The following KLHL23 variants were observed in gnomAD, a reference collection of about 807,000 sequenced individuals.
The protein encoded by KLHL23 is kelch-like protein 23.
Under a neutral mutation model 48.9 loss-of-function variants are expected in KLHL23, and 33 were observed. The observed-to-expected ratio is 0.67, with a 90% CI of 0.51 to 0.90. KLHL23 has a LOEUF of 0.90. Ranked by LOEUF, KLHL23 falls within the 40% of genes least tolerant of loss-of-function variation. The pLI is 0.00. For missense variants in KLHL23, 608 were observed against 669.6 expected (o/e 0.91, Z 1.02); for synonymous variants, 234 against 231.6 (o/e 1.01, Z -0.09).
At chr2:169,747,087 T>C (rs548429146) in intron 3 of KLHL23, among the ~76,000 whole-genome samples, 118 of 152,166 alleles carry the variant, frequency 7.8e-4, no homozygotes, top group Middle Eastern at 3.4e-3. Context: ...TCCTTAGCTG[T>C]CAAAACCTAG....
At position 169,736,258 on chromosome 2, in the gene KLHL23, T is replaced by C. The variant is rs1315286451; in HGVS notation, c.1213+31T>C. 4.5e-6 allele frequency: 7 copies of C among 1,560,168 alleles called. No homozygotes were observed. In the Admixed American group the frequency reaches 9.6e-5, roughly 21 times the overall value. On this transcript the variant is annotated intron_variant, in intron 2 of 3. Transcript: ENST00000392647. ...TGGAGATTATGTTTATTTTGTATTT[T>C]TTAGATGTCTGGAGCTAGGCCAGCA...
chr2:169,741,305 C>T (rs1177861401), intron 2 of KLHL23, 80 bp from the exon 3 acceptor site: 3 of 1,515,264 alleles, frequency 2.0e-6, no homozygotes, highest in African/African-American at 2.8e-5. Flanking sequence ...ATAACAAAAA[C>T]AACAATAAAT....
At chr2:169,743,453 T>C (rs1164704157) in intron 3 of KLHL23, among the ~76,000 whole-genome samples, 1 of 152,198 alleles carries the variant, frequency 6.6e-6, no homozygotes, top group East Asian at 1.9e-4. Context: ...TTGATTTACA[T>C]TGAACTTTTT....
intron 2 of KLHL23, among the ~76,000 whole-genome samples, chr2:169,736,447 G>A (rs555344377): frequency 4.4e-4 from 67 of 152,208 alleles, no homozygotes; most frequent in Non-Finnish European, 7.9e-4. Flanking sequence ...GCTAGATGAA[G>A]AGACAAATCT....
At chr2:169,741,294 A>G (rs900811885) in intron 2 of KLHL23, 91 bp from the exon 3 acceptor site, 3 of 1,493,940 alleles carry the variant, frequency 2.0e-6, no homozygotes, top group Non-Finnish European at 2.7e-6. Flanking sequence ...TACCATCAGT[A>G]ATAACAAAAA....
In KLHL23 at chr2:169,735,720, A is replaced by G; in HGVS notation, c.706A>G (p.Lys236Glu). 2 of 1,614,008 alleles carry G rather than the reference A, an allele frequency of 1.2e-6. No homozygotes were observed. The highest frequency in any genetic ancestry group is 1.7e-6 in the Non-Finnish European group (2 of 1,180,020). Reference sequence around the variant, plus strand: ...CATTGATATAGATCCAGTGTACTTAAAAACAGCCTTAGGCCTTCAAAGAAG... The same window carrying G: ...CATTGATATAGATCCAGTGTACTTAGAAACAGCCTTAGGCCTTCAAAGAAG... The part of the protein sequence containing the change: ...INIDIDPVYL[K>E]TALGLQRSCL... The change falls in exon 2 of 4, where the codon AAA (lysine) becomes GAA (glutamate). Residue 236 changes from lysine (K) to glutamate (E), a missense_variant. Physicochemically the swap from Lys to Glu is moderately conservative, Grantham distance 56. Around this residue, in one of 3 missense-constraint regions of KLHL23, gnomAD observed 419 missense variants for 473.1 expected, o/e 0.89. Transcript: ENST00000392647. This position sits in a 1 kb window ranked among gnomAD's most constrained non-coding sequence, Gnocchi z 4.5.
chr2:169,741,897 A>C lies in KLHL23; in HGVS notation c.1366+360A>C, dbSNP rs1012239851. Among the ~76,000 whole-genome samples the C allele has an allele frequency of 3.9e-5, 6 of 152,220 alleles. 1 individual carries two copies. The highest frequency in any genetic ancestry group is 1.4e-4 in the African/African-American group (6 of 41,458). ...TAGTTGAAAAGCACCATTCTATCAAATAGTCAGAAAGGGTACCCAGTGATT... is the reference window on the plus strand; with the variant it reads ...TAGTTGAAAAGCACCATTCTATCAACTAGTCAGAAAGGGTACCCAGTGATT... On this transcript the variant is annotated intron_variant, in intron 3 of 3. Coordinates refer to ENST00000392647, the MANE Select transcript of KLHL23 (RefSeq NM_144711.6).
rs571250072 is a variant in KLHL23 at position 169,749,333 on chromosome 2, T to A, written c.1367-89T>A. On this transcript the variant is annotated intron_variant, in intron 3 of 3. Transcript: ENST00000392647. ...CTCCCTATTTTTTGTGTGCTAAATT[T>A]TAAAGGATTATTACATTACCACACT... is the stretch of plus-strand genomic sequence containing the variant. 18 of 1,354,902 alleles carry A rather than the reference T, an allele frequency of 1.3e-5. No homozygotes were observed. In the South Asian group the frequency reaches 1.6e-4, roughly 12 times the overall value. 83.9% of individuals were successfully genotyped at this position (1,354,902 alleles called of 1,614,324 possible).
Position 169,751,603 on chromosome 2 carries a change from G to A in KLHL23, c.*1871G>A, listed in dbSNP as rs377171977. On this transcript the variant is annotated 3_prime_UTR_variant, in exon 4 of 4. Transcript: ENST00000392647. ...GGGAAAAAAACTCCATGTCAAGAAA[G>A]TGGGATAAGAAAAATAGTGAAGTAT... is the stretch of plus-strand genomic sequence containing the variant. 9.9e-5 allele frequency: 15 copies of A among 152,262 alleles called. No individual in the cohort carries two copies. The East Asian group carries it at 2.3e-3, about 23-fold the overall frequency. The allele number at this position is 152,262 out of a possible 1,614,324, so 9.4% of individuals were successfully genotyped here.
chr2:169,734,389 G>A (rs1194726996), intron 1 of KLHL23, among the ~76,000 whole-genome samples: 1 of 149,416 alleles, frequency 6.7e-6, no homozygotes, highest in African/African-American at 2.4e-5. Flanking sequence ...GGGGCGGGGC[G>A]GTCTCCGGGC....
In KLHL23 at chr2:169,735,435, G is replaced by A; in HGVS notation, c.421G>A (p.Gly141Arg). 1 of 1,613,934 alleles carries A rather than the reference G, an allele frequency of 6.2e-7. No homozygotes were observed. The change falls in exon 2 of 4, where the codon GGA becomes AGA. Residue 141 changes from glycine to arginine, a missense_variant. By Grantham distance (125) the Gly-to-Arg change is moderately radical. Transcript: ENST00000392647. This position sits in a 1 kb window ranked among gnomAD's most constrained non-coding sequence, Gnocchi z 4.5. ...VRHLDIDNCIGMHSFAEFHVC... is the reference protein window; with the variant it reads ...VRHLDIDNCIRMHSFAEFHVC... ...GCACTTGGATATTGATAATTGTATTGGAATGCACTCCTTTGCAGAATTTCA... is the reference window on the plus strand; with the variant it reads ...GCACTTGGATATTGATAATTGTATTAGAATGCACTCCTTTGCAGAATTTCA...
chr2:169,748,839 TG>T (rs1312771710), intron 3 of KLHL23, among the ~76,000 whole-genome samples: 1 of 138,108 alleles, frequency 7.2e-6, no homozygotes, highest in Non-Finnish European at 1.6e-5. Context: ...GCCCTCCGCC[TG>T]GGGGCACCCT....
chr2:169,739,732 A>G (rs1425996388), intron 2 of KLHL23, among the ~76,000 whole-genome samples: 1 of 152,092 alleles, frequency 6.6e-6, no homozygotes, highest in African/African-American at 2.4e-5. Context: ...GCCACTTAAC[A>G]ATGGGGATAT....
intron 3 of KLHL23, among the ~76,000 whole-genome samples, chr2:169,747,193 A>C (rs1182062799): frequency 3.3e-5 from 5 of 151,974 alleles, no homozygotes; most frequent in South Asian, 2.1e-4. Context: ...GCAAAACCCC[A>C]TCTCTATTAA....
In KLHL23 at chr2:169,747,982, G is replaced by A. The variant is rs1688835429; in HGVS notation, c.1367-1440G>A. ...TCTACAAAAATACAAAAATTAGCCA[G>A]TTGTGATGATGTGTACCTATAGTCC... is the stretch of plus-strand genomic sequence containing the variant. On this transcript the variant is annotated intron_variant, in intron 3 of 3. Transcript: ENST00000392647. Among the ~76,000 whole-genome samples the A allele has an allele frequency of 2.6e-5, 4 of 152,124 alleles. No individual in the cohort carries two copies. In the South Asian group the frequency reaches 8.3e-4, roughly 32 times the overall value.
Position 169,734,325 on chromosome 2 carries a change from C to T in KLHL23, c.-3+238C>T, listed in dbSNP as rs916615845. Among the ~76,000 whole-genome samples, 9 of 147,654 alleles carry T rather than the reference C, an allele frequency of 6.1e-5. No homozygotes were observed. In the South Asian group the frequency reaches 1.9e-3, roughly 31 times the overall value. On this transcript the variant is annotated intron_variant, in intron 1 of 3. Transcript: ENST00000392647. ...AGCGCCGGGCAGAGGGACGCGGGCA[C>T]CGGGCCCGCGGGCGGCACGCGGCGC...
Position 169,735,904 on chromosome 2 carries a change from A to C in KLHL23, c.890A>C (p.Asn297Thr). 1 of 1,614,122 alleles carries C rather than the reference A, an allele frequency of 6.2e-7. No individual in the cohort carries two copies. The highest frequency in any genetic ancestry group is 1.1e-5 in the South Asian group (1 of 91,082). Reference protein sequence around the residue: ...SEVHIWDPLTNVWIQGAEIPD... With the variant: ...SEVHIWDPLTTVWIQGAEIPD... ...GTTCACATATGGGATCCTTTGACAA[A>C]TGTTTGGATTCAGGGAGCAGAAATA... Residue 297 changes from asparagine (N) to threonine (T), a missense_variant, in exon 2 of 4, where the codon AAT becomes ACT. Physicochemically the swap from Asn to Thr is moderately conservative, Grantham distance 65 (BLOSUM62 0). Around this residue, in one of 3 missense-constraint regions of KLHL23, gnomAD observed 419 missense variants for 473.1 expected, o/e 0.89. Transcript: ENST00000392647. This position sits in a 1 kb window ranked among gnomAD's most constrained non-coding sequence, Gnocchi z 4.5.
intron 3 of KLHL23, among the ~76,000 whole-genome samples, chr2:169,744,166 A>G (rs1326901856): frequency 6.6e-6 from 1 of 152,226 alleles, no homozygotes; most frequent in East Asian, 1.9e-4. Context: ...TTACTGCCGT[A>G]GGAGCTCAGA....
rs1688905703 is a variant in KLHL23 at position 169,749,946 on chromosome 2, T to TAG, written c.*214_*215insAG. 4.1e-6 allele frequency: 1 copy of TAG among 245,642 alleles called. No homozygotes were observed. Among genetic ancestry groups the TAG allele is most frequent in the East Asian group, 6.1e-5 (1 of 16,496 alleles). The allele number at this position is 245,642 out of a possible 1,614,324, so 15.2% of individuals were successfully genotyped here. On this transcript the variant is annotated 3_prime_UTR_variant, in exon 4 of 4. Transcript: ENST00000392647. ...ATATATATATACACACACACATATA[T>TAG]GTGTTCATATATATGTATACATATA...
Sources: gnomAD v4.1 joint callset for allele counts (sites outside exome capture counted in the v4.1 genomes callset) on GRCh38, gnomAD v4.1.1 for gene constraint, gnomAD v4.1.1 regional missense constraint, Gnocchi (gnomAD v3.1) non-coding constraint, MANE v1.5 for transcripts, NCBI Gene and HGNC (gene_info 2026-07-23, HGNC 2026-07-21) for gene names.